Variants in PLA2G5 observed in about 807,000 individuals in gnomAD.
PLA2G5 encodes the protein phospholipase A2 group V.
A neutral mutation model predicts 15.9 loss-of-function variants in PLA2G5; 12 were observed. The observed-to-expected ratio is 0.76, with a 90% CI of 0.48 to 1.23. The LOEUF is 1.23. Ranked by LOEUF, PLA2G5 falls within the 50% of genes most tolerant of loss-of-function variation. The pLI is 0.00. For synonymous variants in PLA2G5, 71 were observed against 71.4 expected (o/e 0.99, Z 0.03); for missense variants, 169 against 177.1 (o/e 0.95, Z 0.26).
upstream of PLA2G5, chr1:20,070,077 A>C (rs796465363): frequency 1.5e-4 from 59 of 399,200 alleles, 1 homozygote; most frequent in African/African-American, 9.8e-4. Flanking sequence ...CGTGACCTGG[A>C]TATTTCAGGA....
chr1:20,054,221 A>T (rs1442994014), intron 1 of PLA2G5, among the ~76,000 whole-genome samples: 1 of 152,214 alleles, frequency 6.6e-6, no homozygotes, highest in Non-Finnish European at 1.5e-5. Context: ...AATGTAATAT[A>T]ATCAAGTGAC....
intron 1 of PLA2G5, among the ~76,000 whole-genome samples, chr1:20,045,563 C>T (rs2013859996): frequency 6.6e-6 from 1 of 152,066 alleles, no homozygotes; most frequent in Admixed American, 6.6e-5. Flanking sequence ...TGAAGGGTGG[C>T]ACCAAAATTG....
intron 1 of PLA2G5, among the ~76,000 whole-genome samples, chr1:20,051,037 T>C (rs1437167524): frequency 2.6e-5 from 4 of 152,170 alleles, no homozygotes; most frequent in African/African-American, 9.6e-5. Context: ...TCTATAATTC[T>C]GATTGACTTA....
chr1:20,056,129 G>T (rs2014420509), intron 1 of PLA2G5, among the ~76,000 whole-genome samples: 1 of 152,090 alleles, frequency 6.6e-6, no homozygotes, highest in Non-Finnish European at 1.5e-5. Context: ...AGAGCTGCGA[G>T]GTTCAAAGCA....
chr1:20,032,733 C>G (rs140101744), intron 1 of PLA2G5, among the ~76,000 whole-genome samples: 5 of 152,268 alleles, frequency 3.3e-5, no homozygotes, highest in African/African-American at 1.2e-4. Context: ...AAACCATCCT[C>G]CTTCCTGAAT....
intron 1 of PLA2G5, among the ~76,000 whole-genome samples, chr1:20,032,089 G>A (rs1022574860): frequency 6.6e-6 from 1 of 152,188 alleles, no homozygotes; most frequent in African/African-American, 2.4e-5. Context: ...GGGCCAATGG[G>A]AGAAGTGAAG....
At chr1:20,089,148 G>T (rs1456028625) in intron 3 of PLA2G5, among the ~76,000 whole-genome samples, 2 of 152,188 alleles carry the variant, frequency 1.3e-5, no homozygotes, top group Non-Finnish European at 2.9e-5. Context: ...CGTAGCTGAT[G>T]CAACGTCAGT....
intron 1 of PLA2G5, among the ~76,000 whole-genome samples, chr1:20,080,575 G>A (rs560635390): frequency 4.6e-5 from 7 of 152,150 alleles, no homozygotes; most frequent in Non-Finnish European, 8.8e-5. Flanking sequence ...GCCAGACTTC[G>A]TCTCAAAAAA....
chr1:20,084,863 G>A lies in PLA2G5; in HGVS notation c.33G>A (p.Leu11=). 1 of 1,609,346 alleles carries A rather than the reference G, an allele frequency of 6.2e-7. No individual in the cohort carries two copies. The highest frequency in any genetic ancestry group is 1.1e-5 in the South Asian group (1 of 90,990). ...GCCTCCTCCCACTGGCTTGGTTCCT[G>A]GCTTGTAGTAAGTGCTGGCCCCGTG... MKGLLPLAWF[L]ACSVPAVQGG... The change falls in exon 2 of 5, where the codon CTG becomes CTA. Residue 11 remains leucine (L), a synonymous_variant. Coordinates refer to ENST00000375108, the MANE Select transcript of PLA2G5 (RefSeq NM_000929.3).
intron 1 of PLA2G5, among the ~76,000 whole-genome samples, chr1:20,082,982 A>AGGACAGACACCG (rs2016107763): frequency 6.6e-6 from 1 of 152,008 alleles, no homozygotes; most frequent in Non-Finnish European, 1.5e-5. Flanking sequence ...ACTGTTTAAA[A>AGGACAGACACCG]GGACAGACAC....
intron 2 of PLA2G5, among the ~76,000 whole-genome samples, chr1:20,060,031 G>A (rs1289754229): frequency 6.6e-6 from 1 of 152,076 alleles, no homozygotes; most frequent in Admixed American, 6.6e-5. Flanking sequence ...TGCACACAAG[G>A]AGGAAGTGTG....
intron 1 of PLA2G5, among the ~76,000 whole-genome samples, chr1:20,041,151 A>G (rs2013575646): frequency 6.6e-6 from 1 of 152,194 alleles, no homozygotes; most frequent in African/African-American, 2.4e-5. Context: ...GCAACCACAA[A>G]GGGATTCTGA....
intron 1 of PLA2G5, among the ~76,000 whole-genome samples, chr1:20,029,400 T>C (rs1317323554): frequency 1.3e-5 from 2 of 151,344 alleles, no homozygotes; most frequent in African/African-American, 2.5e-5. Context: ...CGCTGATATG[T>C]TCCTCCGCTG....
At chr1:20,075,452 G>A (rs182986739) in intron 1 of PLA2G5, among the ~76,000 whole-genome samples, 6 of 152,294 alleles carry the variant, frequency 3.9e-5, no homozygotes, top group East Asian at 1.9e-4. Flanking sequence ...AACATCTACC[G>A]TGTATCAACT....
chr1:20,073,607 G>C (rs1236345251), intron 1 of PLA2G5, among the ~76,000 whole-genome samples: 1 of 152,172 alleles, frequency 6.6e-6, no homozygotes, highest in Non-Finnish European at 1.5e-5. Context: ...TAGGGGCCGG[G>C]TGCGGTGGCT....
intron 1 of PLA2G5, among the ~76,000 whole-genome samples, chr1:20,039,476 C>G (rs905609395): frequency 1.3e-5 from 2 of 152,188 alleles, no homozygotes; most frequent in South Asian, 2.1e-4. Flanking sequence ...CACAATTCAG[C>G]TCTACATTGT....
chr1:20,030,163 A>G lies in PLA2G5; in HGVS notation n.276+1454A>G, dbSNP rs375971186. On this transcript the variant is annotated intron_variant and non_coding_transcript_variant, in intron 1 of 6. Coordinates refer to the PLA2G5 transcript ENST00000460175. ...CAGGGGACCAGCGCTTAGCATACGAAGGACCAGCGCTGGCACTGGTCTCTG... is the reference window on the plus strand; with the variant it reads ...CAGGGGACCAGCGCTTAGCATACGAGGGACCAGCGCTGGCACTGGTCTCTG... 6.6e-5 allele frequency among the ~76,000 whole-genome samples: 10 copies of G among 152,180 alleles called. No individual in the cohort carries two copies. The East Asian group carries it at 1.6e-3, about 24-fold the overall frequency.
chr1:20,028,801 A>C (rs1206329755), intron 1 of PLA2G5: 1 of 152,294 alleles, frequency 6.6e-6, no homozygotes, highest in Non-Finnish European at 1.5e-5. Flanking sequence ...TGAGTGCAGC[A>C]GGGATGTTTA....
At chr1:20,050,078 C>T (rs1368941528) in intron 1 of PLA2G5, among the ~76,000 whole-genome samples, 1 of 152,170 alleles carries the variant, frequency 6.6e-6, no homozygotes. Flanking sequence ...TTTATTGAAA[C>T]AATTCCTATG....
Sources: allele counts gnomAD v4.1 joint callset (sites outside exome capture counted in the v4.1 genomes callset), GRCh38; gene constraint gnomAD v4.1.1; transcripts MANE v1.5; gene names NCBI Gene and HGNC (gene_info 2026-07-23, HGNC 2026-07-21).